Variants in RASSF8 observed in about 807,000 individuals in gnomAD.
RASSF8 encodes Ras association domain family member 8.
Under a neutral mutation model 48.5 loss-of-function variants are expected in RASSF8, and 22 were observed. That is an observed-to-expected ratio of 0.45 (90% CI 0.32 to 0.65). The LOEUF (loss-of-function observed/expected upper bound fraction) is 0.65. Among genes scored for constraint, RASSF8 ranks in the 30% least tolerant of loss-of-function variants. RASSF8 has a pLI of 0.03. For synonymous variants in RASSF8, 127 were observed against 171.5 expected, an observed-to-expected ratio of 0.74 and a Z score of 2.03; for missense variants, 418 against 489.2, an observed-to-expected ratio of 0.85 and a Z score of 1.37.
chr12:26,022,904 G>A (rs1270303148), intron 2 of RASSF8, among the ~76,000 whole-genome samples: 1 of 152,104 alleles, frequency 6.6e-6, no homozygotes, highest in African/African-American at 2.4e-5. Flanking sequence ...TTCACAGCCT[G>A]TAATTTTGAA....
chr12:26,030,338 G>T (rs893176460), intron 2 of RASSF8, among the ~76,000 whole-genome samples: 4 of 152,102 alleles, frequency 2.6e-5, no homozygotes, highest in Admixed American at 6.6e-5. Context: ...TCTTTCTCAT[G>T]GTTTATAAGC....
At chr12:26,063,009 T>A (rs878918640) in intron 3 of RASSF8, among the ~76,000 whole-genome samples, 1 of 152,216 alleles carries the variant, frequency 6.6e-6, no homozygotes, top group South Asian at 2.1e-4. Context: ...AATCATTTTT[T>A]AATGTGCTCC....
chr12:25,993,166 G>A (rs1332588936), intron 1 of RASSF8, among the ~76,000 whole-genome samples: 1 of 152,112 alleles, frequency 6.6e-6, no homozygotes, highest in African/African-American at 2.4e-5. Context: ...TCCCTGCACC[G>A]CTCATCTCAT....
chr12:25,997,261 C>G (rs541880593), intron 2 of RASSF8, among the ~76,000 whole-genome samples: 4 of 152,180 alleles, frequency 2.6e-5, no homozygotes, highest in Non-Finnish European at 5.9e-5. Context: ...CTCATCCCCC[C>G]TTTCTAGTAC....
intron 1 of RASSF8, among the ~76,000 whole-genome samples, chr12:25,979,657 A>G (rs1941691657): frequency 6.6e-6 from 1 of 152,190 alleles, no homozygotes; most frequent in African/African-American, 2.4e-5. Flanking sequence ...AATTTGCCCA[A>G]ACTCACATAG....
At chr12:25,993,922 G>T (rs1044343907) in intron 1 of RASSF8, among the ~76,000 whole-genome samples, 5 of 152,150 alleles carry the variant, frequency 3.3e-5, no homozygotes, top group African/African-American at 7.2e-5. Context: ...GTAACACTAT[G>T]TAAAAAATAA....
At chr12:25,997,731 A>G (rs914310641) in intron 2 of RASSF8, among the ~76,000 whole-genome samples, 1 of 152,192 alleles carries the variant, frequency 6.6e-6, no homozygotes, top group African/African-American at 2.4e-5. Flanking sequence ...ATCAAGACGC[A>G]TACTTGGAAT....
At chr12:25,976,284 A>G (rs770643559) in intron 1 of RASSF8, among the ~76,000 whole-genome samples, 5 of 152,200 alleles carry the variant, frequency 3.3e-5, no homozygotes, top group Non-Finnish European at 7.3e-5. Flanking sequence ...TGTCTGGAGG[A>G]TGGGAAATTG....
intron 2 of RASSF8, among the ~76,000 whole-genome samples, chr12:25,995,952 G>A (rs1014677020): frequency 1.3e-5 from 2 of 152,108 alleles, no homozygotes; most frequent in Admixed American, 1.3e-4. Flanking sequence ...GCTGGATCTC[G>A]AAGGTCTCAC....
At chr12:26,055,100 A>T in intron 2 of RASSF8, 136 bp from the exon 3 acceptor site, 1 of 469,948 alleles carries the variant, frequency 2.1e-6, no homozygotes, top group Admixed American at 3.3e-5. Context: ...GTGTTGCTTA[A>T]TTCATTTCTG....
chr12:26,056,581 T>C (rs16929973), intron 3 of RASSF8, among the ~76,000 whole-genome samples: 8,112 of 152,290 alleles, frequency 0.053, 659 homozygotes, highest in East Asian at 0.29. Flanking sequence ...GCCAAGGCAC[T>C]TTAGCATTTG....
intron 2 of RASSF8, among the ~76,000 whole-genome samples, chr12:26,008,664 T>C (rs1942451546): frequency 6.6e-6 from 1 of 152,244 alleles, no homozygotes; most frequent in African/African-American, 2.4e-5. Context: ...ATTTGTGTTC[T>C]CATTTGAACA....
intron 2 of RASSF8, among the ~76,000 whole-genome samples, chr12:26,005,758 G>C (rs1398566358): frequency 6.6e-6 from 1 of 152,088 alleles, no homozygotes; most frequent in Non-Finnish European, 1.5e-5. Flanking sequence ...TATTATATCA[G>C]CTAATGCCCT....
chr12:26,011,560 C>A (rs1165728312), intron 2 of RASSF8, among the ~76,000 whole-genome samples: 1 of 152,134 alleles, frequency 6.6e-6, no homozygotes, highest in Non-Finnish European at 1.5e-5. Context: ...CCCATTCCCC[C>A]CGAATTCAAA....
chr12:25,974,869 G>A (rs970747823), intron 1 of RASSF8, among the ~76,000 whole-genome samples: 18 of 152,278 alleles, frequency 1.2e-4, no homozygotes, highest in African/African-American at 4.1e-4. Context: ...TCGGTGGATT[G>A]GGTGGTGCCT....
rs73298883 is a variant in RASSF8 at position 26,039,260 on chromosome 12, G to A, written c.-108-15976G>A. On this transcript the variant is annotated intron_variant, in intron 2 of 5. Transcript: ENST00000689635. ...TTCATTCTGTTTTTTTCTTAGGCAG[G>A]TGGAACGTGATCTCTCTGTCTGCTG... Among the ~76,000 whole-genome samples, 1,378 of 152,194 alleles carry A rather than the reference G, an allele frequency of 9.1e-3. 23 individuals carry two copies. Among genetic ancestry groups the A allele is most frequent in the African/African-American group, 0.031 (1,300 of 41,464 alleles).
intron 1 of RASSF8, among the ~76,000 whole-genome samples, chr12:25,966,761 GA>G (rs1941370256): frequency 2.6e-5 from 4 of 152,108 alleles, no homozygotes; most frequent in Non-Finnish European, 5.9e-5. Context: ...AGTGACTTTT[GA>G]AAAGCAGAAG....
chr12:25,986,074 A>G (rs531649811), intron 1 of RASSF8, among the ~76,000 whole-genome samples: 20 of 152,312 alleles, frequency 1.3e-4, no homozygotes. Flanking sequence ...GCTTGTAGCA[A>G]GTGATTCTCT....
At chr12:26,057,218 G>C (rs1943626195) in intron 3 of RASSF8, among the ~76,000 whole-genome samples, 1 of 151,878 alleles carries the variant, frequency 6.6e-6, no homozygotes, top group Admixed American at 6.6e-5. Flanking sequence ...TGCCATGTTG[G>C]TGTGCTGCAC....
Sources: allele counts gnomAD v4.1 joint callset (sites outside exome capture counted in the v4.1 genomes callset), GRCh38; gene constraint gnomAD v4.1.1; transcripts MANE v1.5; gene names NCBI Gene and HGNC (gene_info 2026-07-23, HGNC 2026-07-21).